ADARB2: variants seen among roughly 807,000 people sequenced by gnomAD.
The protein encoded by ADARB2 is adenosine deaminase RNA specific B2 (inactive), also known as inactive double-stranded RNA-specific editase B2.
A neutral mutation model predicts 62.2 loss-of-function variants in ADARB2; 25 were observed. That is an observed-to-expected ratio of 0.40 (90% CI 0.29 to 0.56). The LOEUF is 0.56. ADARB2 is among the 20% of genes least tolerant of loss of function. The pLI, the probability that ADARB2 is intolerant of heterozygous loss-of-function variation, is 0.43. For missense variants in ADARB2, 1,071 were observed against 1,077.4 expected (o/e 0.99, Z 0.08); for synonymous variants, 572 against 500.8 (o/e 1.14, Z -1.90).
At position 1,197,518 on chromosome 10, in the gene ADARB2, T is replaced by TGTGCTGTG; in HGVS notation, c.1864+2440_1864+2447dup. Among the ~76,000 whole-genome samples, 3 of 152,368 alleles carry TGTGCTGTG rather than the reference T, an allele frequency of 2.0e-5. No homozygotes were observed. In the Middle Eastern group the frequency reaches 0.01, roughly 518 times the overall value. On this transcript the variant is annotated intron_variant, in intron 8 of 9. Coordinates refer to ENST00000381312, the MANE Select transcript of ADARB2 (RefSeq NM_018702.4). ...GCCCTTTTCACACTCCAGGAAATTG[T>TGTGCTGTG]GTGCTGTGGAGGAAGACAGCCCGTG...
At chr10:1,286,285 A>G (rs536710811) in intron 3 of ADARB2, among the ~76,000 whole-genome samples, 59 of 152,320 alleles carry the variant, frequency 3.9e-4, no homozygotes, top group African/African-American at 1.3e-3. Flanking sequence ...AGCCTCCGGG[A>G]TAATCAGAGA....
chr10:1,737,260 G>T lies in ADARB2; in HGVS notation c.-110C>A. ...CTGCGAAGCTTGAGGTTGCAAACCC[G>T]GGAGCGGCTCACTTTTCAGGACTGA... On this transcript the variant is annotated 5_prime_UTR_variant, in exon 1 of 10. Coordinates refer to ENST00000381312, the MANE Select transcript of ADARB2 (RefSeq NM_018702.4). The T allele has an allele frequency of 1.8e-6, 2 of 1,127,486 alleles. No homozygotes were observed. The highest frequency in any genetic ancestry group is 2.4e-5 in the East Asian group (1 of 41,584). 69.8% of individuals were successfully genotyped at this position (1,127,486 alleles called of 1,614,324 possible). A position where few individuals can be genotyped will look rare whatever the true frequency, so the allele number is the denominator to read the frequency against.
intron 3 of ADARB2, among the ~76,000 whole-genome samples, chr10:1,295,650 CTTAT>C (rs1831516656): frequency 6.9e-6 from 1 of 144,692 alleles, no homozygotes; most frequent in Non-Finnish European, 1.5e-5. Context: ...AGAATCCTGA[CTTAT>C]TTAGAGATCA....
chr10:1,310,200 C>A (rs1190740973), intron 3 of ADARB2, among the ~76,000 whole-genome samples: 1 of 152,202 alleles, frequency 6.6e-6, no homozygotes, highest in Non-Finnish European at 1.5e-5. Context: ...ACTGAGTGAG[C>A]AGTCTGAAGG....
At chr10:1,318,182 C>T (rs1831758238) in intron 3 of ADARB2, among the ~76,000 whole-genome samples, 1 of 152,222 alleles carries the variant, frequency 6.6e-6, no homozygotes, top group Non-Finnish European at 1.5e-5. Flanking sequence ...CACAGTAACA[C>T]AATCAATCAA....
intron 1 of ADARB2, among the ~76,000 whole-genome samples, chr10:1,591,409 G>A (rs1833251550): frequency 1.3e-5 from 2 of 152,148 alleles, no homozygotes; most frequent in Admixed American, 1.3e-4. Flanking sequence ...CGCTGCTGAG[G>A]GTCTACAGCT....
At chr10:1,593,625 G>A (rs1833295994) in intron 1 of ADARB2, among the ~76,000 whole-genome samples, 1 of 152,236 alleles carries the variant, frequency 6.6e-6, no homozygotes, top group Non-Finnish European at 1.5e-5. Context: ...AGAGAGTTCT[G>A]TAGTCTCAAG....
Position 1,363,733 on chromosome 10 carries a change from C to T in ADARB2, c.372G>A (p.Val124=), listed in dbSNP as rs756666811. ...QLVWKKLSWS[V]APKNALVQLH... The stretch of plus-strand genomic sequence containing the variant: ...GCTGCACCAGCGCGTTCTTGGGCGC[C>T]ACCGACCACGACAGCTTCTTCCAGA... The change falls in exon 3 of 10, where the codon GTG becomes GTA. Residue 124 remains valine (V), a synonymous_variant. Coordinates refer to ENST00000381312, the MANE Select transcript of ADARB2 (RefSeq NM_018702.4). 3.1e-6 allele frequency: 5 copies of T among 1,609,632 alleles called. No homozygotes were observed. Among genetic ancestry groups the T allele is most frequent in the Non-Finnish European group, 3.4e-6 (4 of 1,179,522 alleles).
chr10:1,456,556 G>T (rs1310837398), intron 1 of ADARB2, among the ~76,000 whole-genome samples: 2 of 152,036 alleles, frequency 1.3e-5, no homozygotes, highest in Admixed American at 1.3e-4. Flanking sequence ...CTCTCCAGGG[G>T]GTCTCGTGAA....
At chr10:1,556,216 C>G (rs1832699123) in intron 1 of ADARB2, among the ~76,000 whole-genome samples, 1 of 151,870 alleles carries the variant, frequency 6.6e-6, no homozygotes, top group Admixed American at 6.6e-5. Flanking sequence ...CTCTTCACCC[C>G]ACCAAGAGCA....
intron 2 of ADARB2, among the ~76,000 whole-genome samples, chr10:1,364,668 A>G (rs1326577574): frequency 6.6e-6 from 1 of 152,192 alleles, no homozygotes; most frequent in African/African-American, 2.4e-5. Context: ...TATAACAATG[A>G]TTTGCATAGC....
intron 1 of ADARB2, among the ~76,000 whole-genome samples, chr10:1,628,221 G>A (rs924279549): frequency 6.6e-6 from 1 of 152,224 alleles, no homozygotes; most frequent in Non-Finnish European, 1.5e-5. Flanking sequence ...AGTCGCTTCT[G>A]TGCACATTGT....
chr10:1,323,782 C>T (rs1396753937), intron 3 of ADARB2, among the ~76,000 whole-genome samples: 2 of 151,688 alleles, frequency 1.3e-5, no homozygotes, highest in African/African-American at 2.4e-5. Context: ...AGACCACAGA[C>T]GTAAACTATA....
At chr10:1,480,623 G>C (rs1022677061) in intron 1 of ADARB2, among the ~76,000 whole-genome samples, 4 of 150,864 alleles carry the variant, frequency 2.7e-5, no homozygotes, top group Admixed American at 2.6e-4. Flanking sequence ...GTGTGAACCT[G>C]GGAGGCGGAG....
intron 1 of ADARB2, among the ~76,000 whole-genome samples, chr10:1,523,592 A>C (rs1832102050): frequency 1.3e-5 from 2 of 152,210 alleles, no homozygotes; most frequent in African/African-American, 4.8e-5. Flanking sequence ...AACATTTCAG[A>C]TTCTCCACTC....
intron 1 of ADARB2, among the ~76,000 whole-genome samples, chr10:1,562,030 G>A (rs1832792876): frequency 1.3e-5 from 2 of 152,190 alleles, no homozygotes; most frequent in South Asian, 4.1e-4. Context: ...TCGCCTCCCA[G>A]GAGTGGTCCT....
chr10:1,417,986 A>G (rs879491818), intron 1 of ADARB2, among the ~76,000 whole-genome samples: 3 of 152,246 alleles, frequency 2.0e-5, no homozygotes, highest in Admixed American at 6.5e-5. Context: ...TTTAAAGAAT[A>G]AGCCCCTTGC....
At chr10:1,193,425 C>A (rs1200912961) in intron 8 of ADARB2, among the ~76,000 whole-genome samples, 2 of 152,168 alleles carry the variant, frequency 1.3e-5, no homozygotes, top group Non-Finnish European at 2.9e-5. Flanking sequence ...GTCATTATTT[C>A]AAAAGATATG....
intron 2 of ADARB2, among the ~76,000 whole-genome samples, chr10:1,373,148 T>C (rs1832387435): frequency 6.6e-6 from 1 of 152,126 alleles, no homozygotes; most frequent in African/African-American, 2.4e-5. Flanking sequence ...CTAAAGTTCA[T>C]ATGGAATCAA....
Sources: allele counts gnomAD v4.1 joint callset (sites outside exome capture counted in the v4.1 genomes callset), GRCh38; gene constraint gnomAD v4.1.1; transcripts MANE v1.5; gene names NCBI Gene and HGNC (gene_info 2026-07-23, HGNC 2026-07-21).